ZMIZ1: variants seen among roughly 807,000 people sequenced by gnomAD.
ZMIZ1 encodes zinc finger MIZ domain-containing protein 1.
A neutral mutation model predicts 113.9 loss-of-function variants in ZMIZ1; 17 were observed. That is an observed-to-expected ratio of 0.15 (90% CI 0.10 to 0.22). ZMIZ1 has a LOEUF of 0.22. Among genes scored for constraint, ZMIZ1 ranks in the 10% least tolerant of loss-of-function variants. The probability of loss-of-function intolerance (pLI) is 1.00; values close to 1 mark genes in which losing one functional copy is unlikely to be tolerated. For synonymous variants in ZMIZ1, 607 were observed against 603.1 expected, an observed-to-expected ratio of 1.01 and a Z score of -0.09; for missense variants, 1,059 against 1,477.8, an observed-to-expected ratio of 0.72 and a Z score of 4.65.
At chr10:79,287,962 G>T (rs1379346582) in intron 8 of ZMIZ1, among the ~76,000 whole-genome samples, 1 of 152,242 alleles carries the variant, frequency 6.6e-6, no homozygotes, top group Non-Finnish European at 1.5e-5. Context: ...GGGTGAGGGG[G>T]CAGGCAGTGT....
intron 7 of ZMIZ1, among the ~76,000 whole-genome samples, chr10:79,273,236 G>A (rs1047163168): frequency 6.6e-6 from 1 of 152,228 alleles, no homozygotes; most frequent in Admixed American, 6.5e-5. Context: ...GGCTGACGGG[G>A]GGTGGTCCCA....
intron 6 of ZMIZ1, among the ~76,000 whole-genome samples, chr10:79,214,010 G>A (rs557242953): frequency 1.2e-4 from 19 of 152,304 alleles, no homozygotes; most frequent in Non-Finnish European, 2.2e-4. Flanking sequence ...GTCGAAACAG[G>A]CCGCTCTGTG....
At chr10:79,132,475 G>A (rs956263972) in intron 2 of ZMIZ1, among the ~76,000 whole-genome samples, 3 of 152,338 alleles carry the variant, frequency 2.0e-5, no homozygotes, top group East Asian at 1.9e-4. Flanking sequence ...AGGGAGCAGC[G>A]AGGACTGTGG....
intron 14 of ZMIZ1, 137 bp from the exon 15 acceptor site, chr10:79,298,269 G>A: frequency 1.0e-6 from 1 of 977,882 alleles, no homozygotes; most frequent in South Asian, 1.6e-5. Context: ...CGAGAGAGAA[G>A]AGTTTCCCTG....
intron 5 of ZMIZ1, among the ~76,000 whole-genome samples, chr10:79,205,889 G>A (rs909719074): frequency 2.7e-4 from 41 of 152,240 alleles, no homozygotes; most frequent in Non-Finnish European, 5.0e-4. Context: ...TTGAGCTCAG[G>A]AGTTTAAGAC....
At chr10:79,077,529 C>T (rs948268273) in intron 1 of ZMIZ1, among the ~76,000 whole-genome samples, 2 of 152,016 alleles carry the variant, frequency 1.3e-5, no homozygotes, top group Non-Finnish European at 2.9e-5. Flanking sequence ...AATGGTGTTC[C>T]ATCGAAAAAT....
chr10:79,300,287 T>TG (rs926758567), intron 16 of ZMIZ1, among the ~76,000 whole-genome samples: 2 of 152,126 alleles, frequency 1.3e-5, no homozygotes, highest in African/African-American at 4.8e-5. Flanking sequence ...GCTGCGTCCT[T>TG]GGGGGGCCTC....
chr10:79,296,626 C>G lies in ZMIZ1; in HGVS notation c.1386C>G (p.Pro462=), dbSNP rs2296428. Residue 462 remains proline (P), a synonymous_variant, in exon 13 of 25, where the codon CCC becomes CCG. Transcript: ENST00000334512. This position sits in a 1 kb window ranked among gnomAD's most constrained non-coding sequence, Gnocchi z 4.1. ...SQPSSGQYPP[P]TVNMGQYYKP... ...CGAGCTCCGGGCAGTACCCGCCCCC[C>G]ACGGTCAACATGGGGCAGTATTACA... 1 of 1,588,078 alleles carries G rather than the reference C, an allele frequency of 6.3e-7. No homozygotes were observed. Among genetic ancestry groups the G allele is most frequent in the South Asian group, 1.1e-5 (1 of 87,050 alleles).
At chr10:79,101,954 GTCACACGGCAAGTGGGACCTCCGACCAGC>G (rs1167197280) in intron 1 of ZMIZ1, among the ~76,000 whole-genome samples, 1 of 152,168 alleles carries the variant, frequency 6.6e-6, no homozygotes, top group Non-Finnish European at 1.5e-5. Context: ...CCAGCTCCAG[GTCACACGGCAAGTGGGACCTCCGACCAGC>G]TCCCAGCCTC....
intron 1 of ZMIZ1, among the ~76,000 whole-genome samples, chr10:79,111,767 G>A (rs1024559418): frequency 1.3e-5 from 2 of 152,206 alleles, no homozygotes; most frequent in East Asian, 3.8e-4. Context: ...GGCTGAGAAC[G>A]TCTCACCCAC....
chr10:79,310,817 CG>C, intron 23 of ZMIZ1, 106 bp from the exon 24 acceptor site: 1 of 1,318,932 alleles, frequency 7.6e-7, no homozygotes. Context: ...GGCCACGTTT[CG>C]GGGGTTGTGA....
intron 1 of ZMIZ1, among the ~76,000 whole-genome samples, chr10:79,114,353 G>A (rs529443511): frequency 3.3e-5 from 5 of 152,342 alleles, no homozygotes; most frequent in African/African-American, 1.2e-4. Flanking sequence ...TGATTTAAGT[G>A]TTGGAAATGT....
At chr10:79,301,302 T>G (rs1383283132) in intron 17 of ZMIZ1, among the ~76,000 whole-genome samples, 1 of 152,120 alleles carries the variant, frequency 6.6e-6, no homozygotes, top group Non-Finnish European at 1.5e-5. Context: ...CCTGCTTGCC[T>G]CATTCACCAG....
At chr10:79,251,163 C>T (rs1166401924) in intron 7 of ZMIZ1, among the ~76,000 whole-genome samples, 1 of 152,072 alleles carries the variant, frequency 6.6e-6, no homozygotes, top group Non-Finnish European at 1.5e-5. Flanking sequence ...GAGGCCCTCA[C>T]CCCACAAAGG....
chr10:79,154,235 G>A (rs1221898861), intron 3 of ZMIZ1, among the ~76,000 whole-genome samples: 2 of 152,048 alleles, frequency 1.3e-5, no homozygotes, highest in African/African-American at 4.8e-5. Flanking sequence ...AACCCCCTTT[G>A]GGTTTGTGTC....
intron 20 of ZMIZ1, 68 bp downstream of exon 20, chr10:79,305,299 C>T (rs1236452419): frequency 6.4e-7 from 1 of 1,554,310 alleles, no homozygotes. Flanking sequence ...GGCCAGCTAC[C>T]TCCCACCTCC....
At chr10:79,173,858 G>A (rs374818046) in intron 4 of ZMIZ1, among the ~76,000 whole-genome samples, 3 of 152,256 alleles carry the variant, frequency 2.0e-5, no homozygotes, top group African/African-American at 4.8e-5. Flanking sequence ...GAATTTGAAC[G>A]CGGCTCCATC....
At chr10:79,159,805 G>A (rs1340072966) in intron 3 of ZMIZ1, among the ~76,000 whole-genome samples, 1 of 152,166 alleles carries the variant, frequency 6.6e-6, no homozygotes, top group African/African-American at 2.4e-5. Context: ...TTATGGCTGG[G>A]TGACCCTAGC....
At chr10:79,095,940 C>A (rs1843152958) in intron 1 of ZMIZ1, among the ~76,000 whole-genome samples, 1 of 152,202 alleles carries the variant, frequency 6.6e-6, no homozygotes, top group Non-Finnish European at 1.5e-5. Flanking sequence ...TGTTGCTGAA[C>A]CTGCAGATCC....
Sources: gnomAD v4.1 joint callset for allele counts (sites outside exome capture counted in the v4.1 genomes callset) on GRCh38, gnomAD v4.1.1 for gene constraint, Gnocchi (gnomAD v3.1) non-coding constraint, MANE v1.5 for transcripts, NCBI Gene and HGNC (gene_info 2026-07-23, HGNC 2026-07-21) for gene names.